RBFOX1: variants seen among roughly 807,000 people sequenced by gnomAD.
The protein encoded by RBFOX1 is RNA binding fox-1 homolog 1, also known as RNA binding protein fox-1 homolog 1.
In RBFOX1, 8 loss-of-function variants were observed where a neutral mutation model predicts 57.7. The observed-to-expected ratio is 0.14, with a 90% CI of 0.08 to 0.25. The LOEUF is 0.25. Ranked by LOEUF, RBFOX1 falls within the 10% of genes least tolerant of loss-of-function variation. The pLI, the probability that RBFOX1 is intolerant of heterozygous loss-of-function variation, is 1.00. For synonymous variants in RBFOX1, 326 were observed against 222.4 expected (o/e 1.47, Z -4.15); for missense variants, 611 against 548.5 (o/e 1.11, Z -1.14).
intron 4 of RBFOX1, among the ~76,000 whole-genome samples, chr16:7,128,924 C>T (rs567365204): frequency 6.6e-6 from 1 of 150,696 alleles, no homozygotes; most frequent in African/African-American, 2.4e-5. Context: ...GGGTTCAAGC[C>T]ATTCTCCTGC....
At chr16:5,654,143 G>C (rs1253097482) in intron 3 of RBFOX1, among the ~76,000 whole-genome samples, 1 of 152,214 alleles carries the variant, frequency 6.6e-6, no homozygotes, top group Non-Finnish European at 1.5e-5. Context: ...TGCTGTGTCA[G>C]TCTGGACGAG....
intron 3 of RBFOX1, among the ~76,000 whole-genome samples, chr16:5,625,473 C>T (rs919539328): frequency 1.3e-5 from 2 of 152,008 alleles, no homozygotes; most frequent in Admixed American, 6.6e-5. Context: ...GACCGCTGCA[C>T]CGTTCTTCAT....
intron 3 of RBFOX1, among the ~76,000 whole-genome samples, chr16:5,642,239 G>C (rs761289472): frequency 6.6e-6 from 1 of 152,216 alleles, no homozygotes; most frequent in Non-Finnish European, 1.5e-5. Context: ...AGAGATAAGA[G>C]AAGGTTTATT....
chr16:5,353,842 C>G (rs937464909), intron 1 of RBFOX1, among the ~76,000 whole-genome samples: 5 of 151,974 alleles, frequency 3.3e-5, no homozygotes, highest in Non-Finnish European at 7.4e-5. Context: ...CCACAAGATG[C>G]TGGGATACAG....
intron 13 of RBFOX1, 71 bp from the exon 14 acceptor site, chr16:7,676,703 G>C (rs1186576221): frequency 1.5e-6 from 2 of 1,304,480 alleles, no homozygotes; most frequent in Non-Finnish European, 2.2e-6. Context: ...GCTCTGGTGT[G>C]GTCTTGCCAC....
chr16:7,639,009 G>T (rs1464777445), intron 11 of RBFOX1, among the ~76,000 whole-genome samples: 1 of 151,380 alleles, frequency 6.6e-6, no homozygotes, highest in Non-Finnish European at 1.5e-5. Flanking sequence ...ATAAAGATAG[G>T]TACCCTTCTC....
chr16:7,030,902 G>A (rs2153691441), intron 3 of RBFOX1, among the ~76,000 whole-genome samples: 1 of 152,294 alleles, frequency 6.6e-6, no homozygotes, highest in African/African-American at 2.4e-5. Context: ...TCCAATCCTT[G>A]TCATTTGACA....
In RBFOX1 at chr16:6,796,142, C is replaced by G. The variant is rs145405641; in HGVS notation, c.-16+141492C>G. 1.0e-3 allele frequency among the ~76,000 whole-genome samples: 153 copies of G among 152,052 alleles called. 2 individuals carry two copies. The highest frequency in any genetic ancestry group is 3.4e-3 in the Middle Eastern group (1 of 292). On this transcript the variant is annotated intron_variant, in intron 3 of 15. Coordinates refer to ENST00000550418, the MANE Select transcript of RBFOX1 (RefSeq NM_018723.4). ...TCATGGCGGAAGGTGAAAGGTATGT[C>G]TCACATGGTGGCGGACAAGAGAAGA...
At chr16:6,887,912 A>G (rs1008362086) in intron 3 of RBFOX1, among the ~76,000 whole-genome samples, 6 of 151,998 alleles carry the variant, frequency 3.9e-5, no homozygotes, top group Admixed American at 2.6e-4. Flanking sequence ...TCCACCCGTC[A>G]TGGCCTCCCA....
At chr16:6,883,489 C>A (rs111748280) in intron 3 of RBFOX1, among the ~76,000 whole-genome samples, 1 of 152,220 alleles carries the variant, frequency 6.6e-6, no homozygotes, top group Non-Finnish European at 1.5e-5. Context: ...AGACACCCAT[C>A]TGCAAGAATA....
At chr16:6,964,258 A>C (rs1383138965) in intron 3 of RBFOX1, among the ~76,000 whole-genome samples, 1 of 152,022 alleles carries the variant, frequency 6.6e-6, no homozygotes, top group Non-Finnish European at 1.5e-5. Flanking sequence ...ATCTCAAGTG[A>C]TGCACCCCCC....
chr16:6,316,893 C>G, intron 1 of RBFOX1, 102 bp from the exon 2 acceptor site: 3 of 804,622 alleles, frequency 3.7e-6, no homozygotes, highest in South Asian at 1.8e-5. Flanking sequence ...TAGTCAGAAC[C>G]TATTTTGAAG....
chr16:5,968,326 C>T (rs1017374640), intron 4 of RBFOX1, among the ~76,000 whole-genome samples: 17 of 152,174 alleles, frequency 1.1e-4, no homozygotes, highest in Admixed American at 9.8e-4. Flanking sequence ...CCCCCCGCCT[C>T]AGCCTCCCCA....
rs1369961848 is a variant in RBFOX1, at chr16:5,266,814, C to G, written c.219+26709C>G. ...GCTCAAGCAATCTGCTCACCTCGGC[C>G]TCCCAAAGTGCTGGGATGACAGGCA... On this transcript the variant is annotated intron_variant, in intron 1 of 2. Transcript: ENST00000585867. Among the ~76,000 whole-genome samples, 13 of 152,050 alleles carry G rather than the reference C, an allele frequency of 8.5e-5. 1 individual carries two copies. The highest frequency in any genetic ancestry group is 1.4e-4 in the African/African-American group (6 of 41,398).
intron 3 of RBFOX1, among the ~76,000 whole-genome samples, chr16:6,682,885 AAG>A (rs1555687955): frequency 3.3e-5 from 5 of 151,614 alleles, no homozygotes; most frequent in African/African-American, 9.7e-5. Flanking sequence ...AAAAAAAAAA[AAG>A]GAAATGGAAG....
chr16:5,834,880 G>A (rs2056410442), intron 3 of RBFOX1, among the ~76,000 whole-genome samples: 1 of 152,152 alleles, frequency 6.6e-6, no homozygotes, highest in African/African-American at 2.4e-5. Context: ...GGGATTGCTG[G>A]ACTGAATGGT....
intron 4 of RBFOX1, among the ~76,000 whole-genome samples, chr16:7,429,820 C>A (rs1236575189): frequency 2.0e-5 from 3 of 152,202 alleles, no homozygotes; most frequent in Non-Finnish European, 4.4e-5. Context: ...TCTGCCTTTC[C>A]ATTCTTCATT....
chr16:5,681,654 A>G (rs141185754), intron 3 of RBFOX1, among the ~76,000 whole-genome samples: 2 of 152,046 alleles, frequency 1.3e-5, no homozygotes, highest in Admixed American at 1.3e-4. Flanking sequence ...CAGCCTCCCA[A>G]GGTGCTGGGA....
intron 1 of RBFOX1, among the ~76,000 whole-genome samples, chr16:5,290,225 G>T (rs574962547): frequency 2.2e-4 from 33 of 152,298 alleles, no homozygotes; most frequent in African/African-American, 7.2e-4. Flanking sequence ...AGCTTGGTGT[G>T]GTGGCAGACG....
Sources: allele counts gnomAD v4.1 joint callset (sites outside exome capture counted in the v4.1 genomes callset), GRCh38; gene constraint gnomAD v4.1.1; transcripts MANE v1.5; gene names NCBI Gene and HGNC (gene_info 2026-07-23, HGNC 2026-07-21).